The following SNRK variants were observed in gnomAD, a reference collection of about 807,000 sequenced individuals.
The protein encoded by SNRK is SNF-related serine/threonine-protein kinase.
In SNRK, 3 loss-of-function variants were observed where a neutral mutation model predicts 48.2. The observed-to-expected ratio is 0.06, with a 90% CI of 0.03 to 0.16. The LOEUF is 0.16. Ranked by LOEUF, SNRK falls within the 10% of genes least tolerant of loss-of-function variation. SNRK has a pLI of 1.00. For missense variants in SNRK, 627 were observed against 976.0 expected, an observed-to-expected ratio of 0.64 and a Z score of 4.76; for synonymous variants, 376 against 366.1, an observed-to-expected ratio of 1.03 and a Z score of -0.31.
chr3:43,326,980 G>T (rs1191731558), intron 3 of SNRK, among the ~76,000 whole-genome samples: 1 of 152,158 alleles, frequency 6.6e-6, no homozygotes, highest in African/African-American at 2.4e-5. Flanking sequence ...TCAGAAAATA[G>T]ATCTAAAAAA....
rs2091304532 is a variant in SNRK, at chr3:43,349,322, TAG to T, written c.*770_*771del. On this transcript the variant is annotated 3_prime_UTR_variant, in exon 7 of 7. Coordinates refer to ENST00000296088, the MANE Select transcript of SNRK (RefSeq NM_017719.5). ...GAAGTGATGATGTCTTAACTCTACT[TAG>T]AGAGTGTATGTCTGTCTAACAGAAC... The T allele has an allele frequency of 6.6e-6, 1 of 152,658 alleles. No individual in the cohort carries two copies. Among genetic ancestry groups the T allele is most frequent in the South Asian group, 2.1e-4 (1 of 4,836 alleles). The allele number at this position is 152,658 out of a possible 1,614,324, so 9.5% of individuals were successfully genotyped here. A position where few individuals can be genotyped will look rare whatever the true frequency, so the allele number is the denominator to read the frequency against.
chr3:43,295,417 C>T (rs890177749), intron 1 of SNRK, among the ~76,000 whole-genome samples: 2 of 152,184 alleles, frequency 1.3e-5, no homozygotes, highest in East Asian at 1.9e-4. Context: ...TTGATGAAAA[C>T]GAAGAACATA....
intron 3 of SNRK, among the ~76,000 whole-genome samples, chr3:43,305,080 A>T (rs1408439316): frequency 6.6e-6 from 1 of 152,228 alleles, no homozygotes; most frequent in Non-Finnish European, 1.5e-5. Flanking sequence ...AGTACTCTTT[A>T]AATCTATTAA....
chr3:43,338,717 C>T (rs2091209663), intron 4 of SNRK, among the ~76,000 whole-genome samples: 1 of 151,402 alleles, frequency 6.6e-6, no homozygotes, highest in Non-Finnish European at 1.5e-5. Flanking sequence ...TTAATTTTAT[C>T]TTACATTAAT....
At chr3:43,316,163 A>G (rs1045620108) in intron 3 of SNRK, among the ~76,000 whole-genome samples, 2 of 152,208 alleles carry the variant, frequency 1.3e-5, no homozygotes, top group Non-Finnish European at 2.9e-5. Flanking sequence ...GAAATCATTT[A>G]TATGTTTTTT....
At chr3:43,287,298 C>T (rs911162328) in intron 1 of SNRK, among the ~76,000 whole-genome samples, 6 of 152,186 alleles carry the variant, frequency 3.9e-5, no homozygotes, top group Admixed American at 2.0e-4. Context: ...ACGTTCTTTT[C>T]CATAGTCATC....
chr3:43,289,879 A>G (rs1228706436), intron 1 of SNRK: 1 of 152,632 alleles, frequency 6.6e-6, no homozygotes, highest in Non-Finnish European at 1.5e-5. Flanking sequence ...CTCAAAAGTT[A>G]CTTCAGACTC....
At chr3:43,323,682 A>G (rs1317505700) in intron 3 of SNRK, among the ~76,000 whole-genome samples, 4 of 152,238 alleles carry the variant, frequency 2.6e-5, no homozygotes, top group Non-Finnish European at 4.4e-5. Flanking sequence ...GACTTTATTC[A>G]TAACTGTCCC....
intron 3 of SNRK, among the ~76,000 whole-genome samples, chr3:43,317,639 T>G (rs1298471397): frequency 6.6e-6 from 1 of 152,150 alleles, no homozygotes; most frequent in Non-Finnish European, 1.5e-5. Context: ...GGTTGCTCCT[T>G]CGGCTCCAGC....
At chr3:43,309,492 A>G (rs1246005892) in intron 3 of SNRK, among the ~76,000 whole-genome samples, 1 of 152,348 alleles carries the variant, frequency 6.6e-6, no homozygotes, top group East Asian at 1.9e-4. Context: ...AGCCACAGCC[A>G]TGCCAACCTT....
chr3:43,321,274 C>A (rs112600515), intron 3 of SNRK, among the ~76,000 whole-genome samples: 4,220 of 152,172 alleles, frequency 0.028, 199 homozygotes, highest in African/African-American at 0.096. Context: ...AAGGGGACAG[C>A]TTTTCTTATG....
intron 3 of SNRK, among the ~76,000 whole-genome samples, chr3:43,314,496 G>C (rs1377605728): frequency 6.6e-6 from 1 of 152,094 alleles, no homozygotes; most frequent in African/African-American, 2.4e-5. Flanking sequence ...TTCAAGCCAA[G>C]AGTTGTACTT....
intron 4 of SNRK, among the ~76,000 whole-genome samples, chr3:43,335,293 C>T (rs1222274533): frequency 6.6e-6 from 1 of 152,110 alleles, no homozygotes; most frequent in Non-Finnish European, 1.5e-5. Context: ...TTATTCAGTT[C>T]TAATAAGTAT....
intron 3 of SNRK, among the ~76,000 whole-genome samples, chr3:43,317,474 A>G (rs1299377571): frequency 6.6e-6 from 1 of 152,212 alleles, no homozygotes; most frequent in African/African-American, 2.4e-5. Flanking sequence ...CTTTCTTTGT[A>G]CAATTCAAGT....
chr3:43,291,907 C>A (rs551539722), intron 1 of SNRK, among the ~76,000 whole-genome samples: 2 of 152,340 alleles, frequency 1.3e-5, no homozygotes, highest in South Asian at 4.1e-4. Context: ...GGGTGTAGGA[C>A]CTGGACAAAG....
intron 1 of SNRK, among the ~76,000 whole-genome samples, chr3:43,298,964 T>A (rs2090878143): frequency 6.6e-6 from 1 of 152,180 alleles, no homozygotes; most frequent in African/African-American, 2.4e-5. Context: ...CCTTGGCTGC[T>A]ATAGCGTGAG....
At chr3:43,307,296 C>A (rs1215845811) in intron 3 of SNRK, among the ~76,000 whole-genome samples, 1 of 152,154 alleles carries the variant, frequency 6.6e-6, no homozygotes, top group Admixed American at 6.5e-5. Flanking sequence ...GCCTTAAATT[C>A]TGTTTTGTCA....
intron 3 of SNRK, among the ~76,000 whole-genome samples, chr3:43,329,227 A>C (rs1408816561): frequency 6.6e-6 from 1 of 152,202 alleles, no homozygotes; most frequent in East Asian, 1.9e-4. Context: ...TCATGAGGTC[A>C]GGGGATCGAG....
chr3:43,303,356 A>G lies in SNRK; in HGVS notation c.153A>G (p.Lys51=), dbSNP rs769493253. The part of the protein sequence containing the change: ...KVAVKVIDKT[K]LDTLATGHLF... The stretch of plus-strand genomic sequence containing the variant: ...CAGTAAAAGTTATTGACAAGACAAA[A>G]CTGGACACTCTAGCTACTGGTCATC... Residue 51 remains lysine (K), a synonymous_variant, in exon 3 of 7, where the codon AAA becomes AAG. Coordinates refer to ENST00000296088, the MANE Select transcript of SNRK (RefSeq NM_017719.5). This position sits in a 1 kb window ranked among gnomAD's most constrained non-coding sequence, Gnocchi z 6.2. 11 of 1,614,034 alleles carry G rather than the reference A, an allele frequency of 6.8e-6. No homozygotes were observed. In the Admixed American group the frequency reaches 1.2e-4, roughly 17 times the overall value.
Sources: gnomAD v4.1 joint callset for allele counts (sites outside exome capture counted in the v4.1 genomes callset) on GRCh38, gnomAD v4.1.1 for gene constraint, Gnocchi (gnomAD v3.1) non-coding constraint, MANE v1.5 for transcripts, NCBI Gene and HGNC (gene_info 2026-07-23, HGNC 2026-07-21) for gene names.